PDE3B: variants seen among roughly 807,000 people sequenced by gnomAD.
PDE3B encodes phosphodiesterase 3B.
Under a neutral mutation model 116.8 loss-of-function variants are expected in PDE3B, and 66 were observed. The ratio of observed to expected loss-of-function variants is 0.56; its 90% CI spans 0.46 to 0.69. PDE3B has a LOEUF of 0.69. Among genes scored for constraint, PDE3B ranks in the 30% least tolerant of loss-of-function variants. The pLI, the probability that PDE3B is intolerant of heterozygous loss-of-function variation, is 0.00. For missense variants in PDE3B, 1,384 were observed against 1,368.1 expected (o/e 1.01, Z -0.18); for synonymous variants, 595 against 533.6 (o/e 1.12, Z -1.59).
chr11:14,767,724 C>G (rs1009841757), intron 1 of PDE3B, among the ~76,000 whole-genome samples: 2 of 151,184 alleles, frequency 1.3e-5, no homozygotes, highest in Admixed American at 1.3e-4. Flanking sequence ...CAAAATTAAC[C>G]TTATAGTTCA....
intron 2 of PDE3B, 86 bp from the exon 3 acceptor site, chr11:14,786,351 A>ATT: frequency 1.1e-6 from 1 of 946,998 alleles, no homozygotes; most frequent in East Asian, 2.7e-5. Context: ...ATATATATAT[A>ATT]TAAATTTTAA....
rs191212644 is a variant in PDE3B, at chr11:14,742,706, C to A, written c.979-29231C>A. 5.2e-4 allele frequency among the ~76,000 whole-genome samples: 79 copies of A among 152,236 alleles called. 1 individual carries two copies. The highest frequency in any genetic ancestry group is 6.8e-3 in the Middle Eastern group (2 of 294). On this transcript the variant is annotated intron_variant, in intron 1 of 15. Coordinates refer to ENST00000282096, the MANE Select transcript of PDE3B (RefSeq NM_000922.4). ...CAGCCTTTTTGTGCTGGTTTCTCCC[C>A]ATCTTTGTGGATTTATCTACCTTTG... is the stretch of plus-strand genomic sequence containing the variant.
intron 4 of PDE3B, among the ~76,000 whole-genome samples, chr11:14,800,511 G>A (rs1003409219): frequency 6.6e-6 from 1 of 152,156 alleles, no homozygotes; most frequent in Non-Finnish European, 1.5e-5. Flanking sequence ...TAGGGTTTCT[G>A]CCGAGAGAGA....
At chr11:14,775,732 T>G (rs570347693) in intron 2 of PDE3B, 1 of 152,270 alleles carries the variant, frequency 6.6e-6, no homozygotes. Context: ...AGATGGGATT[T>G]CTCCATGTTG....
At chr11:14,775,135 G>T (rs1857748754) in intron 2 of PDE3B, 1 of 152,028 alleles carries the variant, frequency 6.6e-6, no homozygotes, top group Admixed American at 6.6e-5. Context: ...TTAGCAGCTT[G>T]TTCAAAATCT....
chr11:14,783,378 G>A (rs2133912331), intron 2 of PDE3B, among the ~76,000 whole-genome samples: 1 of 152,334 alleles, frequency 6.6e-6, no homozygotes, highest in African/African-American at 2.4e-5. Context: ...ATCAGTGATA[G>A]ACTGGATTAA....
intron 1 of PDE3B, among the ~76,000 whole-genome samples, chr11:14,752,790 T>G (rs1397933489): frequency 5.3e-5 from 8 of 152,174 alleles, no homozygotes; most frequent in Non-Finnish European, 1.2e-4. Flanking sequence ...AAGGCTACTG[T>G]TATTCAGTCA....
chr11:14,711,584 G>A (rs982712061), intron 1 of PDE3B, among the ~76,000 whole-genome samples: 9 of 152,052 alleles, frequency 5.9e-5, no homozygotes, highest in African/African-American at 1.4e-4. Flanking sequence ...AGTCTGGTGC[G>A]GGAGGTGCCG....
intron 12 of PDE3B, among the ~76,000 whole-genome samples, chr11:14,845,346 C>T (rs552293777): frequency 6.6e-6 from 1 of 151,960 alleles, no homozygotes; most frequent in Non-Finnish European, 1.5e-5. Flanking sequence ...TGTACATCAC[C>T]ATCATCAAAG....
At chr11:14,693,751 T>C (rs1855118598) in intron 1 of PDE3B, among the ~76,000 whole-genome samples, 2 of 151,610 alleles carry the variant, frequency 1.3e-5, no homozygotes, top group Non-Finnish European at 3.0e-5. Flanking sequence ...AGATAAATGT[T>C]GTTTTCATGC....
intron 11 of PDE3B, among the ~76,000 whole-genome samples, chr11:14,835,851 T>C (rs1388318301): frequency 6.6e-6 from 1 of 152,174 alleles, no homozygotes; most frequent in Non-Finnish European, 1.5e-5. Flanking sequence ...TCCTAGCTAC[T>C]CAGAAGGCTG....
chr11:14,833,040 C>A (rs757408612), intron 10 of PDE3B, among the ~76,000 whole-genome samples: 4 of 151,836 alleles, frequency 2.6e-5, no homozygotes, highest in Non-Finnish European at 5.9e-5. Flanking sequence ...AACCTCCGCC[C>A]CCCACGTTCA....
At chr11:14,826,748 AAACTG>A (rs1859703792) in intron 7 of PDE3B, among the ~76,000 whole-genome samples, 1 of 151,822 alleles carries the variant, frequency 6.6e-6, no homozygotes, top group South Asian at 2.1e-4. Context: ...GTATTACAAA[AAACTG>A]AAGAGGAAGG....
intron 1 of PDE3B, among the ~76,000 whole-genome samples, chr11:14,729,897 C>G (rs571091843): frequency 2.6e-5 from 4 of 152,070 alleles, no homozygotes; most frequent in African/African-American, 9.6e-5. Flanking sequence ...GAAATCAACT[C>G]TGGATATTTT....
At chr11:14,663,019 A>C (rs1202045264) in intron 1 of PDE3B, among the ~76,000 whole-genome samples, 2 of 151,960 alleles carry the variant, frequency 1.3e-5, no homozygotes, top group Admixed American at 1.3e-4. Context: ...GATTCACCAA[A>C]GTTGAAATGA....
At chr11:14,793,165 GT>G (rs951237960) in intron 4 of PDE3B, among the ~76,000 whole-genome samples, 6 of 152,174 alleles carry the variant, frequency 3.9e-5, no homozygotes, top group South Asian at 4.1e-4. Flanking sequence ...AGGAAAGGTT[GT>G]TTTCTGGATT....
Position 14,644,881 on chromosome 11 carries a change from T to G in PDE3B, c.806T>G (p.Ile269Ser), listed in dbSNP as rs1219193013. The change falls in exon 1 of 16, where the codon ATC becomes AGC. Residue 269 changes from isoleucine (I) to serine (S), a missense_variant. Physicochemically the swap from Ile to Ser is moderately radical, Grantham distance 142. Around this residue, in one of 2 missense-constraint regions of PDE3B, gnomAD observed 956 missense variants for 806.8 expected, o/e 1.18. Transcript: ENST00000282096. ...LALGLDHFFQIREAPLHPRLS... is the reference protein window; with the variant it reads ...LALGLDHFFQSREAPLHPRLS... ...CTGGGGTTGGATCACTTCTTTCAAA[T>G]CAGGGAAGCGCCTCTTCATCCTCGA... The G allele has an allele frequency of 6.2e-7, 1 of 1,613,946 alleles. No individual in the cohort carries two copies. The highest frequency in any genetic ancestry group is 1.1e-5 in the South Asian group (1 of 91,074).
chr11:14,831,925 A>G (rs920006693), intron 9 of PDE3B, 148 bp downstream of exon 9: 1 of 507,732 alleles, frequency 2.0e-6, no homozygotes, highest in Admixed American at 3.6e-5. Flanking sequence ...ATATATACAT[A>G]AAACAATTAT....
chr11:14,760,576 A>G (rs919095187), intron 1 of PDE3B, among the ~76,000 whole-genome samples: 1 of 152,170 alleles, frequency 6.6e-6, no homozygotes, highest in Non-Finnish European at 1.5e-5. Context: ...AAAGACTAGG[A>G]TAGTTTAAAA....
Sources: allele counts gnomAD v4.1 joint callset (sites outside exome capture counted in the v4.1 genomes callset), GRCh38; gene constraint gnomAD v4.1.1; regional missense constraint gnomAD v4.1.1; transcripts MANE v1.5; gene names NCBI Gene and HGNC (gene_info 2026-07-23, HGNC 2026-07-21).